Variants in AKAP11 observed in about 807,000 individuals in gnomAD.
AKAP11 encodes the protein A-kinase anchoring protein 11.
AKAP11 carries 36 observed loss-of-function variants against 146.1 expected under a neutral mutation model. The ratio of observed to expected loss-of-function variants is 0.25; its 90% CI spans 0.19 to 0.33. AKAP11 has a LOEUF of 0.33. Ranked by LOEUF, AKAP11 falls within the 10% of genes least tolerant of loss-of-function variation. The pLI, the probability that AKAP11 is intolerant of heterozygous loss-of-function variation, is 1.00. For missense variants in AKAP11, 2,201 were observed against 2,197.0 expected (o/e 1.00, Z -0.04); for synonymous variants, 780 against 786.5 (o/e 0.99, Z 0.14).
rs771685286 is a variant in AKAP11 at position 42,302,055 on chromosome 13, A to G, written c.3309A>G (p.Ser1103=). 19 of 1,614,134 alleles carry G rather than the reference A, an allele frequency of 1.2e-5. No individual in the cohort carries two copies. The highest frequency in any genetic ancestry group is 1.7e-5 in the Admixed American group (1 of 60,008). The part of the protein sequence containing the change: ...DRNVIPDTPP[S]TPLVPSRASS... The stretch of plus-strand genomic sequence containing the variant: ...ATGTAATACCTGATACTCCTCCATC[A>G]ACTCCTCTAGTACCATCCCGGGCTA... Residue 1103 remains serine, a synonymous_variant, in exon 8 of 13, where the codon TCA becomes TCG. Transcript: ENST00000025301.
At position 42,319,120 on chromosome 13, in the gene AKAP11, A is replaced by G. The variant is rs1960967768; in HGVS notation, c.5598A>G (p.Lys1866=). The change falls in exon 13 of 13, where the codon AAA becomes AAG. Residue 1866 remains lysine, a synonymous_variant. Coordinates refer to ENST00000025301, the MANE Select transcript of AKAP11 (RefSeq NM_016248.4). ...AACAATTACAAGAGAAAGGATGGAA[A>G]GTGGGAGACCTCCTGCAGGCTGTGC... ...LSKQLQEKGW[K]VGDLLQAVLQ... 6.2e-7 allele frequency: 1 copy of G among 1,613,902 alleles called. No individual in the cohort carries two copies. The highest frequency in any genetic ancestry group is 8.5e-7 in the Non-Finnish European group (1 of 1,179,942).
At chr13:42,277,053 TTTG>T (rs1440772048) in intron 1 of AKAP11, among the ~76,000 whole-genome samples, 1 of 152,262 alleles carries the variant, frequency 6.6e-6, no homozygotes, top group Non-Finnish European at 1.5e-5. Flanking sequence ...ATTTTAGTTT[TTTG>T]TTGTTGCATT....
intron 1 of AKAP11, among the ~76,000 whole-genome samples, chr13:42,277,382 A>C (rs1273766721): frequency 6.6e-6 from 1 of 152,206 alleles, no homozygotes; most frequent in Non-Finnish European, 1.5e-5. Context: ...TTGCATGTTT[A>C]AAAGTTGTGT....
rs754824198 is a variant in AKAP11, at chr13:42,317,516, T to C, written c.5405-12T>C. 6.2e-7 allele frequency: 1 copy of C among 1,608,928 alleles called. No individual in the cohort carries two copies. The highest frequency in any genetic ancestry group is 8.5e-7 in the Non-Finnish European group (1 of 1,178,122). On this transcript the variant is annotated splice_polypyrimidine_tract_variant and intron_variant, in intron 11 of 12. Coordinates refer to ENST00000025301, the MANE Select transcript of AKAP11 (RefSeq NM_016248.4). ...TGAGTTTTACTTTATATTGTTTACA[T>C]TTAAATATTAGGTTTGGGGCAAGAT... is the stretch of plus-strand genomic sequence containing the variant.
intron 9 of AKAP11, among the ~76,000 whole-genome samples, chr13:42,310,046 C>T (rs1960475796): frequency 6.6e-6 from 1 of 151,956 alleles, no homozygotes; most frequent in Admixed American, 6.6e-5. Context: ...TCAACACAGG[C>T]TGAAAAAAGA....
intron 1 of AKAP11, among the ~76,000 whole-genome samples, chr13:42,273,356 GA>G (rs1958827023): frequency 6.6e-6 from 1 of 151,220 alleles, no homozygotes; most frequent in African/African-American, 2.4e-5. Flanking sequence ...GCAATTGAAT[GA>G]TTTTTTTTTT....
intron 1 of AKAP11, among the ~76,000 whole-genome samples, chr13:42,277,025 T>C (rs1203974312): frequency 3.3e-5 from 5 of 152,254 alleles, no homozygotes; most frequent in African/African-American, 4.8e-5. Flanking sequence ...ATATTCATGT[T>C]GAAAGCACAA....
chr13:42,273,016 G>T (rs1408257369), intron 1 of AKAP11, among the ~76,000 whole-genome samples: 1 of 152,112 alleles, frequency 6.6e-6, no homozygotes, highest in Admixed American at 6.5e-5. Flanking sequence ...ACCATATAAA[G>T]TTGGATGTGG....
At chr13:42,305,212 A>G (rs1960188448) in intron 8 of AKAP11, among the ~76,000 whole-genome samples, 1 of 152,204 alleles carries the variant, frequency 6.6e-6, no homozygotes, top group Admixed American at 6.5e-5. Context: ...GTGGAATTTA[A>G]TTGAGTCACA....
intron 12 of AKAP11, among the ~76,000 whole-genome samples, chr13:42,318,185 T>C (rs1053839655): frequency 6.6e-6 from 1 of 152,242 alleles, no homozygotes; most frequent in African/African-American, 2.4e-5. Flanking sequence ...GCTTACTATG[T>C]GCCAAGTACC....
chr13:42,298,631 TGGTATAA>T lies in AKAP11; in HGVS notation c.455_461del (p.Ile152ThrfsTer30). ...TTAGTCTCCTAAGTAAATATGCTAC[TGGTATAA>T]GGTACACCTTGGACACATTCTTGCA... is the stretch of plus-strand genomic sequence containing the variant. On this transcript the variant is annotated frameshift_variant, in exon 7 of 13. Transcript: ENST00000025301. LOFTEE classifies it high-confidence loss of function. 6.2e-7 allele frequency: 1 copy of T among 1,611,880 alleles called. No individual in the cohort carries two copies.
At chr13:42,310,669 G>A (rs1239914411) in intron 9 of AKAP11, among the ~76,000 whole-genome samples, 1 of 152,034 alleles carries the variant, frequency 6.6e-6, no homozygotes, top group South Asian at 2.1e-4. Flanking sequence ...GACCAGCCTG[G>A]GCAACATGGT....
chr13:42,299,426 A>G lies in AKAP11; in HGVS notation c.680A>G (p.His227Arg). 6.2e-7 allele frequency: 1 copy of G among 1,613,860 alleles called. No homozygotes were observed. The change falls in exon 8 of 13, where the codon CAT (histidine) becomes CGT (arginine). Residue 227 changes from histidine to arginine, a missense_variant. By Grantham distance (29) the His-to-Arg change is conservative. Coordinates refer to ENST00000025301, the MANE Select transcript of AKAP11 (RefSeq NM_016248.4). ...DAASQTVTGH[H>R]LETHDLKILI... ...GCTTCCCAGACGGTTACTGGTCATC[A>G]TTTAGAAACCCATGATTTAAAGATT...
intron 1 of AKAP11, among the ~76,000 whole-genome samples, chr13:42,284,043 G>T (rs997916037): frequency 4.6e-5 from 7 of 152,204 alleles, no homozygotes; most frequent in Non-Finnish European, 8.8e-5. Context: ...ATTTGGACTT[G>T]AATCCCACCT....
rs1594318546 is a variant in AKAP11, at chr13:42,292,407, A to G, written c.74A>G (p.Gln25Arg). Reference protein sequence around the residue: ...VRKSFSEDVFQSVKSLLQSQK... With the variant: ...VRKSFSEDVFRSVKSLLQSQK... ...CAGAGCTTCAGTGAAGATGTGTTCC[A>G]GTCTGTAAAGTCTTTATTGCAGAGT... The change falls in exon 4 of 13, where the codon CAG (glutamine) becomes CGG (arginine). Residue 25 changes from glutamine to arginine, a missense_variant. Physicochemically the swap from Gln to Arg is conservative, Grantham distance 43. Around this residue, in one of 3 missense-constraint regions of AKAP11, gnomAD observed 331 missense variants for 347.4 expected, o/e 0.95. Transcript: ENST00000025301. 1.3e-6 allele frequency: 2 copies of G among 1,580,740 alleles called. No individual in the cohort carries two copies. Among genetic ancestry groups the G allele is most frequent in the East Asian group, 4.5e-5 (2 of 44,314 alleles).
chr13:42,275,240 T>C (rs978030930), intron 1 of AKAP11, among the ~76,000 whole-genome samples: 6 of 152,220 alleles, frequency 3.9e-5, no homozygotes, highest in Non-Finnish European at 7.3e-5. Context: ...TCTTTAAAGC[T>C]CTTGGTTTCC....
At chr13:42,295,805 C>A in intron 5 of AKAP11, 63 bp downstream of exon 5, 1 of 1,480,042 alleles carries the variant, frequency 6.8e-7, no homozygotes, top group African/African-American at 1.4e-5. Context: ...TTAGGTTTGA[C>A]CACAAAAGTC....
upstream of AKAP11, among the ~76,000 whole-genome samples, chr13:42,271,827 G>GC (rs1485120572): frequency 6.6e-6 from 1 of 151,922 alleles, no homozygotes; most frequent in Non-Finnish European, 1.5e-5. Flanking sequence ...CAATGGAGAG[G>GC]CCCCCTTTAA....
Position 42,319,478 on chromosome 13 carries a change from G to A in AKAP11, c.*250G>A, listed in dbSNP as rs978102656. 2 of 373,502 alleles carry A rather than the reference G, an allele frequency of 5.4e-6. No individual in the cohort carries two copies. The highest frequency in any genetic ancestry group is 9.2e-6 in the Non-Finnish European group (2 of 216,320). The allele number at this position is 373,502 out of a possible 1,614,324, so 23.1% of individuals were successfully genotyped here. On this transcript the variant is annotated 3_prime_UTR_variant, in exon 13 of 13. Transcript: ENST00000025301. ...TAGTGTGTCAAGACCCTAAGAACAT[G>A]TATTTGAAGGAAGGTCTAACCAGGG...
Sources: gnomAD v4.1 joint callset for allele counts (sites outside exome capture counted in the v4.1 genomes callset) on GRCh38, gnomAD v4.1.1 for gene constraint, gnomAD v4.1.1 regional missense constraint, MANE v1.5 for transcripts, NCBI Gene and HGNC (gene_info 2026-07-23, HGNC 2026-07-21) for gene names.